Variants in LIMA1 observed in about 807,000 individuals in gnomAD.
The protein encoded by LIMA1 is LIM domain and actin-binding protein 1.
A neutral mutation model predicts 62.6 loss-of-function variants in LIMA1; 52 were observed. The observed-to-expected ratio is 0.83, with a 90% CI of 0.67 to 1.05. The LOEUF (loss-of-function observed/expected upper bound fraction) is 1.05. Among genes scored for constraint, LIMA1 ranks in the 50% least tolerant of loss-of-function variants. The probability of loss-of-function intolerance (pLI) is 0.00; values close to 1 mark genes in which losing one functional copy is unlikely to be tolerated. For synonymous variants in LIMA1, 302 were observed against 317.8 expected (o/e 0.95, Z 0.53); for missense variants, 780 against 902.2 (o/e 0.86, Z 1.74).
intron 1 of LIMA1, among the ~76,000 whole-genome samples, chr12:50,263,039 C>T (rs1234624621): frequency 1.3e-5 from 2 of 152,096 alleles, no homozygotes; most frequent in African/African-American, 2.4e-5. Context: ...ATTTGATGCC[C>T]ATCATCTAGG....
At chr12:50,237,958 A>T (rs1941720025) in intron 2 of LIMA1, among the ~76,000 whole-genome samples, 1 of 152,248 alleles carries the variant, frequency 6.6e-6, no homozygotes, top group Admixed American at 6.5e-5. Context: ...TAACTATAAG[A>T]GCTGAAACTA....
At chr12:50,258,300 T>TTGTGTG (rs35111001) in intron 1 of LIMA1, among the ~76,000 whole-genome samples, 40 of 150,222 alleles carry the variant, frequency 2.7e-4, no homozygotes, top group African/African-American at 7.8e-4. Context: ...ACACTGCTTT[T>TTGTGTG]TGTGTGTGTG....
chr12:50,282,356 C>A (rs1942350173), intron 1 of LIMA1, among the ~76,000 whole-genome samples: 2 of 152,090 alleles, frequency 1.3e-5, no homozygotes, highest in Non-Finnish European at 2.9e-5. Context: ...CCATTTAAAT[C>A]AAGAGCAAAA....
intron 4 of LIMA1, among the ~76,000 whole-genome samples, chr12:50,216,333 G>A (rs1221327884): frequency 1.3e-5 from 2 of 152,016 alleles, no homozygotes; most frequent in Admixed American, 1.3e-4. Flanking sequence ...TTCTGCCACA[G>A]CCTCTTGAGC....
At chr12:50,201,235 A>T in intron 6 of LIMA1, 2 of 1,042,814 alleles carry the variant, frequency 1.9e-6, no homozygotes, top group Non-Finnish European at 2.3e-6. Flanking sequence ...TGTGAGTTTT[A>T]TCAGAAAAGA....
chr12:50,273,175 G>A (rs1471361117), intron 1 of LIMA1, among the ~76,000 whole-genome samples: 1 of 151,694 alleles, frequency 6.6e-6, no homozygotes, highest in Non-Finnish European at 1.5e-5. Context: ...GGCTGGTCTC[G>A]AACTCCTGAC....
chr12:50,185,664 C>G (rs962877912), intron 9 of LIMA1: 1 of 358,768 alleles, frequency 2.8e-6, no homozygotes, highest in Non-Finnish European at 5.5e-6. Context: ...GGAGAGCGAG[C>G]TTTTATGAGC....
chr12:50,255,696 A>T (rs2138658661), intron 1 of LIMA1, among the ~76,000 whole-genome samples: 1 of 150,932 alleles, frequency 6.6e-6, no homozygotes, highest in East Asian at 1.9e-4. Flanking sequence ...TTTGAATGTC[A>T]TCAGGTAAAA....
intron 7 of LIMA1, among the ~76,000 whole-genome samples, chr12:50,196,323 T>G (rs1940929898): frequency 6.6e-6 from 1 of 152,202 alleles, no homozygotes; most frequent in Non-Finnish European, 1.5e-5. Flanking sequence ...TTCCTAATTC[T>G]TATTTCCCAA....
chr12:50,268,356 T>C (rs1031907934), intron 1 of LIMA1, among the ~76,000 whole-genome samples: 4 of 152,146 alleles, frequency 2.6e-5, no homozygotes, highest in Non-Finnish European at 5.9e-5. Context: ...ACTCTGAGTA[T>C]CAGGATCACC....
intron 2 of LIMA1, among the ~76,000 whole-genome samples, chr12:50,239,240 T>G (rs186046171): frequency 2.8e-4 from 42 of 152,274 alleles, no homozygotes; most frequent in Admixed American, 2.7e-3. Flanking sequence ...CAGGGTATTA[T>G]TAAATAACAA....
rs758353109 is a variant in LIMA1, at chr12:50,177,109, C to T, written c.2235G>A (p.Gln745=). The change falls in exon 11 of 11, where the codon CAG becomes CAA. Residue 745 remains glutamine, a synonymous_variant. Coordinates refer to ENST00000341247, the MANE Select transcript of LIMA1 (RefSeq NM_016357.5). ...EVVKELSVEE[Q]IKRNRYYDED... is the part of the protein sequence containing the mutation. ...CATCATAATACCGATTTCTCTTTAT[C>T]TGTTCTTCCACAGAGAGCTCTTTGA... 2 of 1,602,546 alleles carry T rather than the reference C, an allele frequency of 1.2e-6. No individual in the cohort carries two copies. The highest frequency in any genetic ancestry group is 1.7e-4 in the Middle Eastern group (1 of 5,996).
chr12:50,187,175 T>C (rs576963175), intron 9 of LIMA1: 3 of 152,340 alleles, frequency 2.0e-5, no homozygotes, highest in South Asian at 2.1e-4. Context: ...CAAATTTGCA[T>C]GGCTTCATTT....
At chr12:50,199,959 C>T (rs1941009331) in intron 7 of LIMA1, among the ~76,000 whole-genome samples, 1 of 151,344 alleles carries the variant, frequency 6.6e-6, no homozygotes, top group Non-Finnish European at 1.5e-5. Context: ...AGTGGTGTGA[C>T]CTCAGCCCAC....
intron 1 of LIMA1, among the ~76,000 whole-genome samples, chr12:50,256,928 C>T (rs764679177): frequency 7.9e-5 from 12 of 152,168 alleles, no homozygotes; most frequent in Non-Finnish European, 1.2e-4. Flanking sequence ...TCAGAGGGTA[C>T]GTGATGTTGA....
intron 1 of LIMA1, among the ~76,000 whole-genome samples, chr12:50,264,990 A>G (rs1321878510): frequency 2.0e-5 from 3 of 151,984 alleles, no homozygotes; most frequent in Non-Finnish European, 4.4e-5. Context: ...CATCTCTACA[A>G]AAAATTTTAA....
At chr12:50,183,528 A>C (rs991286240) in intron 9 of LIMA1, among the ~76,000 whole-genome samples, 30 of 152,176 alleles carry the variant, frequency 2.0e-4, no homozygotes, top group Admixed American at 1.2e-3. Flanking sequence ...AAAAATCCAA[A>C]ATAGGCTGGG....
Position 50,252,579 on chromosome 12 carries a change from CAAAAAAAAA to C in LIMA1, c.-23-3814_-23-3806del, listed in dbSNP as rs397936373. ...CTGGGTGACAAGAGCGAAACTGTCT[CAAAAAAAAA>C]AAAAAAAAAAAAAAGACATAATGGG... On this transcript the variant is annotated intron_variant, in intron 1 of 10. Coordinates refer to ENST00000341247, the MANE Select transcript of LIMA1 (RefSeq NM_016357.5). Among the ~76,000 whole-genome samples the C allele has an allele frequency of 1.4e-3, 82 of 59,010 alleles. 1 individual carries two copies. Among genetic ancestry groups the C allele is most frequent in the South Asian group, 7.0e-3 (9 of 1,278 alleles). 38.7% of individuals were successfully genotyped at this position (59,010 alleles called of 152,430 possible).
At chr12:50,221,515 A>T (rs1223680388) in intron 4 of LIMA1, among the ~76,000 whole-genome samples, 1 of 152,188 alleles carries the variant, frequency 6.6e-6, no homozygotes, top group Non-Finnish European at 1.5e-5. Flanking sequence ...TGCCTGAGAG[A>T]GGATTTTAGC....
Sources: gnomAD v4.1 joint callset for allele counts (sites outside exome capture counted in the v4.1 genomes callset) on GRCh38, gnomAD v4.1.1 for gene constraint, MANE v1.5 for transcripts, NCBI Gene and HGNC (gene_info 2026-07-23, HGNC 2026-07-21) for gene names.